Variants in COL18A1 observed in about 807,000 individuals in gnomAD.
The protein encoded by COL18A1 is collagen alpha-1(XVIII) chain.
In COL18A1, 133 loss-of-function variants were observed where a neutral mutation model predicts 168.0. The observed-to-expected ratio is 0.79, with a 90% CI of 0.69 to 0.91. The LOEUF (loss-of-function observed/expected upper bound fraction) is 0.91. COL18A1 is among the 40% of genes least tolerant of loss of function. The pLI, the probability that COL18A1 is intolerant of heterozygous loss-of-function variation, is 0.00. For missense variants in COL18A1, 2,126 were observed against 1,925.4 expected (o/e 1.10, Z -1.95); for synonymous variants, 949 against 809.0 (o/e 1.17, Z -2.94).
chr21:45,451,625 G>A (rs1352152400), intron 2 of COL18A1, among the ~76,000 whole-genome samples: 2 of 152,214 alleles, frequency 1.3e-5, no homozygotes, highest in Non-Finnish European at 2.9e-5. Flanking sequence ...GAATGAGGAC[G>A]CCACGTTCTG....
intron 2 of COL18A1, among the ~76,000 whole-genome samples, chr21:45,444,523 C>T (rs528884629): frequency 2.0e-5 from 3 of 152,196 alleles, no homozygotes; most frequent in South Asian, 2.1e-4. Context: ...CACGCTCACT[C>T]GTGCATGGAG....
At chr21:45,479,078 C>T (rs1483003291) in intron 9 of COL18A1, among the ~76,000 whole-genome samples, 9 of 151,802 alleles carry the variant, frequency 5.9e-5, no homozygotes, top group South Asian at 2.1e-4. Context: ...TACACGCACG[C>T]GTGTGAGTGT....
chr21:45,434,308 G>A (rs1229281819), intron 2 of COL18A1, among the ~76,000 whole-genome samples: 2 of 152,186 alleles, frequency 1.3e-5, no homozygotes, highest in African/African-American at 4.8e-5. Flanking sequence ...GGGACAGGCG[G>A]CCCGTGCTGG....
At position 45,478,070 on chromosome 21, in the gene COL18A1, G is replaced by A. The variant is rs550858962; in HGVS notation, c.1221+105G>A. ...CATGGGAGTGAGCTGAGCTGGGATC[G>A]GGGCAGGTCAGCAGCCTCCTTAGGC... On this transcript the variant is annotated intron_variant, in intron 8 of 41. Transcript: ENST00000651438. 76 of 766,324 alleles carry A rather than the reference G, an allele frequency of 9.9e-5. No homozygotes were observed. The East Asian group carries it at 1.5e-3, about 15-fold the overall frequency. 47.5% of individuals were successfully genotyped at this position (766,324 alleles called of 1,614,324 possible). A position where few individuals can be genotyped will look rare whatever the true frequency, so the allele number is the denominator to read the frequency against.
At chr21:45,467,010 T>C (rs1245944151) in intron 2 of COL18A1, among the ~76,000 whole-genome samples, 3 of 152,210 alleles carry the variant, frequency 2.0e-5, no homozygotes, top group South Asian at 4.1e-4. Flanking sequence ...AGCTGCCATC[T>C]GGGTGGACGG....
chr21:45,501,158 A>C (rs1042522261), intron 32 of COL18A1, among the ~76,000 whole-genome samples: 3 of 151,940 alleles, frequency 2.0e-5, no homozygotes, highest in Non-Finnish European at 4.4e-5. Context: ...AAACATGGTC[A>C]AAAATAAATG....
intron 11 of COL18A1, 21 bp downstream of exon 11, chr21:45,480,177 C>T: frequency 1.4e-6 from 2 of 1,423,712 alleles, no homozygotes; most frequent in East Asian, 2.3e-5. Flanking sequence ...CCCTTGGCTT[C>T]CTGCGACCCG....
chr21:45,438,645 C>G (rs943474814), intron 2 of COL18A1, among the ~76,000 whole-genome samples: 8 of 152,212 alleles, frequency 5.3e-5, no homozygotes, highest in African/African-American at 1.9e-4. Flanking sequence ...GGCTAAGACC[C>G]CATTTGCACT....
intron 2 of COL18A1, among the ~76,000 whole-genome samples, chr21:45,433,077 A>G (rs1241130351): frequency 6.6e-6 from 1 of 152,226 alleles, no homozygotes; most frequent in African/African-American, 2.4e-5. Context: ...AACTTGACTG[A>G]GTCATTTAGC....
In COL18A1 at chr21:45,490,860, C is replaced by T. The variant is rs747007399; in HGVS notation, c.2056C>T (p.Arg686Trp). ...GGGGCCAAAGGGAGACAGAGGCAGC[C>T]GGGGAGAAAAGGTGAGTGTCCCTGG... is the stretch of plus-strand genomic sequence containing the variant. Reference protein sequence around the residue: ...PQGPKGDRGSRGEKGDPGKDG... With the variant: ...PQGPKGDRGSWGEKGDPGKDG... Residue 686 changes from arginine (R) to tryptophan (W), a missense_variant, in exon 21 of 42, where the codon CGG becomes TGG. Transcript: ENST00000651438. The T allele has an allele frequency of 6.6e-5, 102 of 1,549,852 alleles. No homozygotes were observed. Among genetic ancestry groups the T allele is most frequent in the Admixed American group, 2.2e-4 (11 of 50,974 alleles).
At position 45,427,911 on chromosome 21, in the gene COL18A1, G is replaced by A. The variant is rs552769968; in HGVS notation, c.106+22438G>A. On this transcript the variant is annotated intron_variant, in intron 2 of 41. Coordinates refer to ENST00000651438, the MANE Select transcript of COL18A1 (RefSeq NM_001379500.1). ...AGGTGACTCATACACCCGGGGCCTG[G>A]ATGAGTCTGACTGGGTCAGGACTTC... 5.3e-5 allele frequency among the ~76,000 whole-genome samples: 8 copies of A among 152,308 alleles called. No homozygotes were observed. The South Asian group carries it at 1.7e-3, about 32-fold the overall frequency.
chr21:45,496,583 C>A lies in COL18A1; in HGVS notation c.2577+15C>A. The A allele has an allele frequency of 7.8e-7, 1 of 1,282,962 alleles. No individual in the cohort carries two copies. Among genetic ancestry groups the A allele is most frequent in the Non-Finnish European group, 1.1e-6 (1 of 889,400 alleles). 79.5% of individuals were successfully genotyped at this position (1,282,962 alleles called of 1,614,324 possible). A position where few individuals can be genotyped will look rare whatever the true frequency, so the allele number is the denominator to read the frequency against. ...ACGACAGCAATGTAAGTCCCCAGGGCACCCACTGTCCTACAGCCACCCTTG... is the reference window on the plus strand; with the variant it reads ...ACGACAGCAATGTAAGTCCCCAGGGAACCCACTGTCCTACAGCCACCCTTG... On this transcript the variant is annotated intron_variant, in intron 30 of 41. Transcript: ENST00000651438.
chr21:45,464,171 C>T (rs77832544), intron 2 of COL18A1, among the ~76,000 whole-genome samples: 4,436 of 152,112 alleles, frequency 0.029, 228 homozygotes, highest in African/African-American at 0.1. Context: ...GGGAGTAGCA[C>T]AGTGCCCAGG....
At chr21:45,411,225 C>G (rs1003558201) in intron 2 of COL18A1, among the ~76,000 whole-genome samples, 1 of 152,122 alleles carries the variant, frequency 6.6e-6, no homozygotes, top group African/African-American at 2.4e-5. Flanking sequence ...AGTGGCTCTG[C>G]CTTCCCCGAT....
intron 2 of COL18A1, among the ~76,000 whole-genome samples, chr21:45,437,302 T>TCA (rs1243700394): frequency 1.4e-4 from 4 of 29,116 alleles, no homozygotes; most frequent in Admixed American, 3.8e-4. Context: ...ACACACACAC[T>TCA]CACACAGGCA....
intron 28 of COL18A1, 132 bp downstream of exon 28, chr21:45,495,047 G>A (rs893629122): frequency 2.0e-5 from 16 of 816,076 alleles, no homozygotes; most frequent in African/African-American, 6.8e-5. Flanking sequence ...CCCAAGAACC[G>A]GCCCTGCCTG....
chr21:45,479,822 TG>T (rs1162569570), intron 9 of COL18A1, 79 bp from the exon 10 acceptor site: 2 of 1,591,226 alleles, frequency 1.3e-6, no homozygotes, highest in African/African-American at 1.3e-5. Flanking sequence ...GTCCCCTGCT[TG>T]GGGGAGGAGC....
chr21:45,405,921 G>A (rs988964502), intron 2 of COL18A1, among the ~76,000 whole-genome samples: 1 of 151,772 alleles, frequency 6.6e-6, no homozygotes, highest in Non-Finnish European at 1.5e-5. Flanking sequence ...GAGGCTCCTC[G>A]CCGCGGGCCG....
intron 27 of COL18A1, 28 bp downstream of exon 27, chr21:45,494,599 C>T (rs763442402): frequency 6.2e-7 from 1 of 1,612,904 alleles, no homozygotes; most frequent in Non-Finnish European, 8.5e-7. Flanking sequence ...TTTCTCTGCA[C>T]TGAGCTCGGG....
Sources: allele counts gnomAD v4.1 joint callset (sites outside exome capture counted in the v4.1 genomes callset), GRCh38; gene constraint gnomAD v4.1.1; transcripts MANE v1.5; gene names NCBI Gene and HGNC (gene_info 2026-07-23, HGNC 2026-07-21).